Variants in TRPC3 observed in about 807,000 individuals in gnomAD.
TRPC3 encodes transient receptor potential cation channel subfamily C member 3.
In TRPC3, 54 loss-of-function variants were observed where a neutral mutation model predicts 90.9. That is an observed-to-expected ratio of 0.59 (90% confidence interval 0.48 to 0.75). TRPC3 has a LOEUF of 0.75. TRPC3 is among the 30% of genes least tolerant of loss of function. The probability of loss-of-function intolerance (pLI) is 0.00; values close to 1 mark genes in which losing one functional copy is unlikely to be tolerated. For missense variants in TRPC3, 918 were observed against 1,194.5 expected (o/e 0.77, Z 3.41); for synonymous variants, 424 against 450.9 (o/e 0.94, Z 0.75).
chr4:121,918,437 T>G (rs574302430), intron 3 of TRPC3, among the ~76,000 whole-genome samples: 1 of 152,240 alleles, frequency 6.6e-6, no homozygotes, highest in Non-Finnish European at 1.5e-5. Context: ...ATTTTTAAAT[T>G]TGAAGATGTG....
intron 8 of TRPC3, among the ~76,000 whole-genome samples, chr4:121,904,119 G>A (rs1206972277): frequency 2.0e-5 from 3 of 152,104 alleles, no homozygotes; most frequent in Non-Finnish European, 4.4e-5. Context: ...AAATTCATGG[G>A]GACCCCTGCT....
At chr4:121,923,371 G>A (rs1332821315) in intron 3 of TRPC3, among the ~76,000 whole-genome samples, 1 of 152,120 alleles carries the variant, frequency 6.6e-6, no homozygotes, top group Non-Finnish European at 1.5e-5. Context: ...AGGATTCTGT[G>A]AGCTTCCTCA....
At position 121,932,947 on chromosome 4, in the gene TRPC3, T is replaced by G. The variant is rs768762496; in HGVS notation, c.311A>C (p.Asp104Ala). 3 of 1,613,706 alleles carry G rather than the reference T, an allele frequency of 1.9e-6. No individual in the cohort carries two copies. Among genetic ancestry groups the G allele is most frequent in the Non-Finnish European group, 2.5e-6 (3 of 1,179,850 alleles). The change falls in exon 2 of 12, where the codon GAC (aspartate) becomes GCC (alanine). Residue 104 changes from aspartate (D) to alanine (A), a missense_variant. Asp to Ala is a moderately radical substitution (Grantham distance 126, BLOSUM62 -2). Coordinates refer to ENST00000379645, the MANE Select transcript of TRPC3 (RefSeq NM_001130698.2). This position sits in a 1 kb window ranked among gnomAD's most constrained non-coding sequence, Gnocchi z 7.7. ...CTCGGCGGTGAGGCTGGTGCCGCGG[T>G]CATTGAACATGAAGGCCGGGCCCCT... ...AVRGPAFMFN[D>A]RGTSLTAEEE...
At chr4:121,911,042 C>G (rs1331812572) in intron 5 of TRPC3, among the ~76,000 whole-genome samples, 6 of 152,118 alleles carry the variant, frequency 3.9e-5, no homozygotes, top group African/African-American at 1.4e-4. Flanking sequence ...AATTGTCCAA[C>G]TTAACAAATT....
chr4:121,917,758 T>A (rs999543990), intron 3 of TRPC3, among the ~76,000 whole-genome samples: 1 of 152,234 alleles, frequency 6.6e-6, no homozygotes, highest in African/African-American at 2.4e-5. Context: ...GCATCCCTGG[T>A]GGCTGCAGCC....
chr4:121,914,746 C>G lies in TRPC3; in HGVS notation c.1341+34G>C. The G allele has an allele frequency of 1.9e-6, 3 of 1,555,678 alleles. No homozygotes were observed. The African/African-American group carries it at 4.1e-5, about 21-fold the overall frequency. On this transcript the variant is annotated intron_variant, in intron 4 of 11. Transcript: ENST00000379645. Reference sequence around the variant, plus strand: ...TTTATCCCAAAGAGACACAGTACACCACCACAGAGGAAATAGATGTAGAAA... The same window carrying G: ...TTTATCCCAAAGAGACACAGTACACGACCACAGAGGAAATAGATGTAGAAA...
chr4:121,948,377 T>TTC lies in TRPC3; in HGVS notation c.215+3088_215+3089insGA, dbSNP rs570893473. Among the ~76,000 whole-genome samples the TTC allele has an allele frequency of 5.8e-4, 87 of 149,332 alleles. 1 individual carries two copies. The highest frequency in any genetic ancestry group is 6.9e-3 in the Middle Eastern group (2 of 290). ...AGATTCTAGCTGGTTTTTTTTTTTTTCCCTCAATTTCTCCCCTTTCCATTC... is the reference window on the plus strand; with the variant it reads ...AGATTCTAGCTGGTTTTTTTTTTTTTTCCCCTCAATTTCTCCCCTTTCCATTC... On this transcript the variant is annotated intron_variant, in intron 1 of 11. Transcript: ENST00000379645.
chr4:121,917,056 G>A (rs1729345765), intron 3 of TRPC3, among the ~76,000 whole-genome samples: 1 of 152,072 alleles, frequency 6.6e-6, no homozygotes, highest in Non-Finnish European at 1.5e-5. Flanking sequence ...CCAGCCTATG[G>A]TACTTAGTTA....
rs1274167672 is a variant in TRPC3 at position 121,877,033 on chromosome 4, C to A, written c.*2703G>T. Among the ~76,000 whole-genome samples the A allele has an allele frequency of 6.6e-6, 1 of 152,066 alleles. No homozygotes were observed. The highest frequency in any genetic ancestry group is 1.5e-5 in the Non-Finnish European group (1 of 68,006). On this transcript the variant is annotated 3_prime_UTR_variant, in exon 12 of 12. Coordinates refer to ENST00000379645, the MANE Select transcript of TRPC3 (RefSeq NM_001130698.2). ...AAATGCTCCCTTCTCTGAGTTGCCCCAACAACTTCTTTGAGGTTTGTTTTC... is the reference window on the plus strand; with the variant it reads ...AAATGCTCCCTTCTCTGAGTTGCCCAAACAACTTCTTTGAGGTTTGTTTTC...
chr4:121,892,185 A>G (rs1578603006), intron 10 of TRPC3, among the ~76,000 whole-genome samples: 1 of 152,234 alleles, frequency 6.6e-6, no homozygotes, highest in African/African-American at 2.4e-5. Flanking sequence ...AAACATATCA[A>G]TCAATTAACA....
In TRPC3 at chr4:121,932,226, G is replaced by T; in HGVS notation, c.987+45C>A. ...GAGCAGGCCAGGCAGCAGCGGGGAA[G>T]TTGGGTGAGCACACAGAGCAGCCGG... On this transcript the variant is annotated intron_variant, in intron 2 of 11. Coordinates refer to ENST00000379645, the MANE Select transcript of TRPC3 (RefSeq NM_001130698.2). The surrounding 1 kb of genome is among the most constrained non-coding windows in gnomAD (Gnocchi z 7.7). The T allele has an allele frequency of 1.3e-6, 2 of 1,589,856 alleles. No homozygotes were observed. The highest frequency in any genetic ancestry group is 8.6e-7 in the Non-Finnish European group (1 of 1,165,256).
intron 1 of TRPC3, among the ~76,000 whole-genome samples, chr4:121,935,451 G>A (rs2149145243): frequency 7.1e-6 from 1 of 140,554 alleles, no homozygotes; most frequent in South Asian, 2.1e-4. Context: ...TGTGTGTGTT[G>A]GTATAATAAT....
At position 121,910,390 on chromosome 4, in the gene TRPC3, G is replaced by A; in HGVS notation, c.1559-3C>T. 1 of 1,612,186 alleles carries A rather than the reference G, an allele frequency of 6.2e-7. No individual in the cohort carries two copies. The highest frequency in any genetic ancestry group is 1.1e-5 in the South Asian group (1 of 91,036). On this transcript the variant is annotated splice_region_variant and splice_polypyrimidine_tract_variant and intron_variant, in intron 5 of 11. Transcript: ENST00000379645. ...TTTACATTCAGACCACATCATTCCT[G>A]TCACAACAAATACAGAGGGTGCAGG...
intron 9 of TRPC3, 66 bp from the exon 10 acceptor site, chr4:121,899,761 A>C: frequency 8.1e-7 from 1 of 1,229,176 alleles, no homozygotes; most frequent in Non-Finnish European, 1.2e-6. Context: ...AATATAATCC[A>C]TTTATTCTCC....
Position 121,932,335 on chromosome 4 carries a change from A to C in TRPC3, c.923T>G (p.Val308Gly). 1 of 1,614,122 alleles carries C rather than the reference A, an allele frequency of 6.2e-7. No individual in the cohort carries two copies. Among genetic ancestry groups the C allele is most frequent in the Admixed American group, 1.7e-5 (1 of 60,022 alleles). ...AYLSLSSEDP[V>G]LTALELSNEL... ...GTTGCTGAGCTCTAGGGCCGTAAGCACCGGGTCCTCGCTGGACAATGAGAG... is the reference window on the plus strand; with the variant it reads ...GTTGCTGAGCTCTAGGGCCGTAAGCCCCGGGTCCTCGCTGGACAATGAGAG... The change falls in exon 2 of 12, where the codon GTG becomes GGG. Residue 308 changes from valine (V) to glycine (G), a missense_variant. Around this residue, in one of 4 missense-constraint regions of TRPC3, gnomAD observed 609 missense variants for 725.9 expected, o/e 0.84. Transcript: ENST00000379645. This position sits in a 1 kb window ranked among gnomAD's most constrained non-coding sequence, Gnocchi z 7.7.
At chr4:121,934,794 C>CT (rs1730071915) in intron 1 of TRPC3, among the ~76,000 whole-genome samples, 1 of 152,138 alleles carries the variant, frequency 6.6e-6, no homozygotes, top group African/African-American at 2.4e-5. Flanking sequence ...GCACAGAAGC[C>CT]ACTGGCTTCT....
intron 3 of TRPC3, among the ~76,000 whole-genome samples, chr4:121,916,570 A>G (rs1308076663): frequency 6.6e-6 from 1 of 152,182 alleles, no homozygotes; most frequent in Non-Finnish European, 1.5e-5. Flanking sequence ...GAGCCCTGAT[A>G]GGAAGAGGCA....
At chr4:121,913,412 T>C (rs1007826968) in intron 4 of TRPC3, among the ~76,000 whole-genome samples, 1 of 152,242 alleles carries the variant, frequency 6.6e-6, no homozygotes, top group South Asian at 2.1e-4. Flanking sequence ...ACGGCAGCTC[T>C]AAACATGGGC....
At chr4:121,923,003 T>A (rs1729578930) in intron 3 of TRPC3, among the ~76,000 whole-genome samples, 1 of 152,204 alleles carries the variant, frequency 6.6e-6, no homozygotes, top group African/African-American at 2.4e-5. Flanking sequence ...TTGCAAATAC[T>A]ATGTGTAGAA....
Sources: allele counts gnomAD v4.1 joint callset (sites outside exome capture counted in the v4.1 genomes callset), GRCh38; gene constraint gnomAD v4.1.1; regional missense constraint gnomAD v4.1.1; non-coding constraint Gnocchi (gnomAD v3.1); transcripts MANE v1.5; gene names NCBI Gene and HGNC (gene_info 2026-07-23, HGNC 2026-07-21).